The following PCLO variants were observed in gnomAD, a reference collection of about 807,000 sequenced individuals.
PCLO encodes piccolo presynaptic cytomatrix protein.
A neutral mutation model predicts 427.5 loss-of-function variants in PCLO; 82 were observed. That is an observed-to-expected ratio of 0.19 (90% confidence interval 0.16 to 0.23). PCLO has a LOEUF of 0.23. Ranked by LOEUF, PCLO falls within the 10% of genes least tolerant of loss-of-function variation. The probability of loss-of-function intolerance (pLI) is 1.00; values close to 1 mark genes in which losing one functional copy is unlikely to be tolerated. For missense variants in PCLO, 6,239 were observed against 6,115.9 expected (o/e 1.02, Z -0.67); for synonymous variants, 2,357 against 2,155.4 (o/e 1.09, Z -2.59).
At chr7:83,072,099 ATTAT>A (rs1789831404) in intron 3 of PCLO, among the ~76,000 whole-genome samples, 1 of 152,042 alleles carries the variant, frequency 6.6e-6, no homozygotes, top group Non-Finnish European at 1.5e-5. Context: ...CTAAAAAACA[ATTAT>A]TTATCATTGC....
At position 82,955,088 on chromosome 7, in the gene PCLO, A is replaced by G; in HGVS notation, c.5865T>C (p.Tyr1955=). 2 of 1,613,830 alleles carry G rather than the reference A, an allele frequency of 1.2e-6. No homozygotes were observed. Among genetic ancestry groups the G allele is most frequent in the East Asian group, 2.2e-5 (1 of 44,870 alleles). ...PLYGGMLIED[Y]IYESLVEDTY... is the part of the protein sequence containing the mutation. ...TGTCTTCTACTAAAGATTCATAAAT[A>G]TAATCCTCTATTAGCATCCCACCAT... The change falls in exon 5 of 25, where the codon TAT becomes TAC. Residue 1955 remains tyrosine (Y), a synonymous_variant. Transcript: ENST00000333891.
intron 10 of PCLO, among the ~76,000 whole-genome samples, chr7:82,858,546 GAAAAC>G: frequency 6.6e-6 from 1 of 151,994 alleles, no homozygotes; most frequent in South Asian, 2.1e-4. Context: ...GTTATATATG[GAAAAC>G]AGTCAAGACT....
chr7:82,831,344 A>C (rs1237063780), intron 16 of PCLO, among the ~76,000 whole-genome samples: 2 of 152,156 alleles, frequency 1.3e-5, no homozygotes, highest in Non-Finnish European at 2.9e-5. Flanking sequence ...TGTGACATCC[A>C]TCTATTTTCT....
chr7:83,103,216 T>A (rs972193975), intron 3 of PCLO, among the ~76,000 whole-genome samples: 9 of 151,920 alleles, frequency 5.9e-5, no homozygotes, highest in African/African-American at 2.2e-4. Context: ...CTAACTGTAA[T>A]CTACTCCAAT....
chr7:82,857,392 TA>T (rs2115887065), intron 10 of PCLO, among the ~76,000 whole-genome samples: 1 of 152,282 alleles, frequency 6.6e-6, no homozygotes, highest in East Asian at 1.9e-4. Flanking sequence ...GTTATGTTGA[TA>T]ACCTTTATGA....
intron 10 of PCLO, among the ~76,000 whole-genome samples, chr7:82,864,286 C>T (rs937544030): frequency 2.6e-5 from 4 of 152,008 alleles, no homozygotes; most frequent in African/African-American, 9.7e-5. Context: ...TTCTGGGCCA[C>T]TTATATCAAT....
At chr7:82,871,249 T>C (rs923027399) in intron 10 of PCLO, among the ~76,000 whole-genome samples, 3 of 151,986 alleles carry the variant, frequency 2.0e-5, no homozygotes, top group Non-Finnish European at 2.9e-5. Context: ...GTGGTATCAA[T>C]ACATAATAGA....
chr7:83,100,601 G>T (rs1313926135), intron 3 of PCLO, among the ~76,000 whole-genome samples: 2 of 152,066 alleles, frequency 1.3e-5, no homozygotes, highest in African/African-American at 2.4e-5. Flanking sequence ...GGGAGCTAAA[G>T]GATGAGAACA....
intron 22 of PCLO, among the ~76,000 whole-genome samples, chr7:82,785,251 G>A (rs751441070): frequency 6.6e-6 from 1 of 152,038 alleles, no homozygotes; most frequent in African/African-American, 2.4e-5. Flanking sequence ...CTCATAAGGA[G>A]CACACAACCT....
chr7:82,932,949 T>A (rs1794872988), intron 6 of PCLO, among the ~76,000 whole-genome samples: 1 of 152,080 alleles, frequency 6.6e-6, no homozygotes, highest in Admixed American at 6.6e-5. Context: ...TATATGTCTG[T>A]CTTGAATATG....
chr7:83,061,409 A>G (rs989538000), intron 3 of PCLO, among the ~76,000 whole-genome samples: 4 of 152,322 alleles, frequency 2.6e-5, no homozygotes, highest in Non-Finnish European at 4.4e-5. Flanking sequence ...GATAATCTTT[A>G]AAGTCCACTA....
chr7:82,988,973 T>C (rs1380908831), intron 3 of PCLO, among the ~76,000 whole-genome samples: 2 of 152,154 alleles, frequency 1.3e-5, no homozygotes, highest in East Asian at 1.9e-4. Flanking sequence ...TAGCTGGGAT[T>C]ACAGGCATGC....
At chr7:83,013,970 C>A (rs933843443) in intron 3 of PCLO, among the ~76,000 whole-genome samples, 1 of 152,078 alleles carries the variant, frequency 6.6e-6, no homozygotes, top group Non-Finnish European at 1.5e-5. Flanking sequence ...TTTAAAAAAT[C>A]TTGGTGTACC....
chr7:83,157,932 T>C (rs1357764993), intron 1 of PCLO, among the ~76,000 whole-genome samples: 1 of 152,062 alleles, frequency 6.6e-6, no homozygotes, highest in Non-Finnish European at 1.5e-5. Flanking sequence ...ACTACAAATA[T>C]TTTATTTCAT....
intron 2 of PCLO, among the ~76,000 whole-genome samples, chr7:83,138,015 A>C (rs769462600): frequency 2.0e-5 from 3 of 152,080 alleles, no homozygotes; most frequent in African/African-American, 7.2e-5. Context: ...CCTATTATCA[A>C]TGTCAACTCT....
At chr7:82,761,527 G>A in intron 22 of PCLO, 34 bp from the exon 23 acceptor site, 3 of 1,503,136 alleles carry the variant, frequency 2.0e-6, no homozygotes, top group Non-Finnish European at 2.7e-6. Context: ...AAAGAAGTAT[G>A]TAATGCCATA....
chr7:83,162,679 G>A lies in PCLO; in HGVS notation c.-87C>T. On this transcript the variant is annotated 5_prime_UTR_variant, in exon 1 of 25. Transcript: ENST00000333891. ...CGCGGCCAGGGGAGCAGTCAGAGCC[G>A]GGGTCCGCCTCGGGGCGTGCAGGCA... 2.8e-6 allele frequency: 4 copies of A among 1,443,744 alleles called. 1 individual carries two copies. The highest frequency in any genetic ancestry group is 3.6e-6 in the Non-Finnish European group (4 of 1,099,946). 89.4% of individuals were successfully genotyped at this position (1,443,744 alleles called of 1,614,324 possible).
rs1043469538 is a variant in PCLO, at chr7:82,916,361, T to G, written c.11625A>C (p.Glu3875Asp). The G allele has an allele frequency of 1.9e-6, 3 of 1,613,468 alleles. No individual in the cohort carries two copies. The African/African-American group carries it at 4.0e-5, about 22-fold the overall frequency. Residue 3875 changes from glutamate to aspartate, a missense_variant, in exon 7 of 25, where the codon GAA becomes GAC. By Grantham distance (45) the Glu-to-Asp change is conservative. Coordinates refer to ENST00000333891, the MANE Select transcript of PCLO (RefSeq NM_033026.6). ...GACTTGTCGGAGGAACTAGTTGAGA[T>G]TCTGTTTGGGTTTGTGGTGGTATAA... ...SQFIPPQTQTESQLVPPTSPY... is the reference protein window; with the variant it reads ...SQFIPPQTQTDSQLVPPTSPY...
At chr7:83,096,990 A>ATATAATATAATATAT (rs1491292314) in intron 3 of PCLO, among the ~76,000 whole-genome samples, 1,432 of 24,706 alleles carry the variant, frequency 0.058, 165 homozygotes, top group African/African-American at 0.13. Flanking sequence ...TATATAAATA[A>ATATAATATAATATAT]TATATATTAT....
Sources: allele counts gnomAD v4.1 joint callset (sites outside exome capture counted in the v4.1 genomes callset), GRCh38; gene constraint gnomAD v4.1.1; transcripts MANE v1.5; gene names NCBI Gene and HGNC (gene_info 2026-07-23, HGNC 2026-07-21).